ARMH3: variants seen among roughly 807,000 people sequenced by gnomAD.
ARMH3 encodes the protein armadillo-like helical domain-containing protein 3.
In ARMH3, 60 loss-of-function variants were observed where a neutral mutation model predicts 99.1. The ratio of observed to expected loss-of-function variants is 0.61; its 90% CI spans 0.49 to 0.75. The LOEUF (loss-of-function observed/expected upper bound fraction) is 0.75, where lower values mean the gene tolerates loss of function less well. Among genes scored for constraint, ARMH3 ranks in the 30% least tolerant of loss-of-function variants. The probability of loss-of-function intolerance (pLI) is 0.00; values close to 1 mark genes in which losing one functional copy is unlikely to be tolerated. For synonymous variants in ARMH3, 285 were observed against 292.8 expected, an observed-to-expected ratio of 0.97 and a Z score of 0.27; for missense variants, 679 against 843.1, an observed-to-expected ratio of 0.81 and a Z score of 2.41.
chr10:101,887,293 G>A (rs998518612), intron 24 of ARMH3, among the ~76,000 whole-genome samples: 9 of 152,118 alleles, frequency 5.9e-5, no homozygotes, highest in Admixed American at 5.9e-4. Context: ...AAGAGGTAAT[G>A]AGTACACAAA....
At chr10:102,036,304 G>A (rs1395052136) in intron 2 of ARMH3, among the ~76,000 whole-genome samples, 1 of 150,880 alleles carries the variant, frequency 6.6e-6, no homozygotes, top group Admixed American at 6.6e-5. Flanking sequence ...GGTGGGGGGC[G>A]CCTCTGCCCG....
intron 2 of ARMH3, among the ~76,000 whole-genome samples, chr10:102,034,367 T>G (rs900623072): frequency 6.6e-6 from 1 of 152,156 alleles, no homozygotes; most frequent in Non-Finnish European, 1.5e-5. Context: ...CCAGGCACGG[T>G]GGCCCATGCC....
At chr10:101,980,832 G>A (rs1434712090) in intron 19 of ARMH3, among the ~76,000 whole-genome samples, 2 of 152,122 alleles carry the variant, frequency 1.3e-5, no homozygotes, top group East Asian at 1.9e-4. Flanking sequence ...ATGATAGACT[G>A]GATCAAGAAA....
intron 24 of ARMH3, among the ~76,000 whole-genome samples, chr10:101,877,340 G>A (rs1171495879): frequency 6.6e-6 from 1 of 152,048 alleles, no homozygotes; most frequent in African/African-American, 2.4e-5. Context: ...TCCAACCTGG[G>A]ATATAGAGTG....
At chr10:101,954,677 G>A (rs1015227229) in intron 22 of ARMH3, among the ~76,000 whole-genome samples, 11 of 151,920 alleles carry the variant, frequency 7.2e-5, no homozygotes, top group South Asian at 4.2e-4. Context: ...TGTAAATTAC[G>A]GCAAAATTTT....
At chr10:102,044,374 C>CT (rs751800293) in intron 1 of ARMH3, among the ~76,000 whole-genome samples, 1,653 of 138,124 alleles carry the variant, frequency 0.012, 30 homozygotes, top group African/African-American at 0.034. Flanking sequence ...CATGCCCGGC[C>CT]TTTTTTTTTT....
At chr10:102,018,183 C>T (rs1054321809) in intron 8 of ARMH3, among the ~76,000 whole-genome samples, 15 of 152,134 alleles carry the variant, frequency 9.9e-5, no homozygotes, top group African/African-American at 3.4e-4. Flanking sequence ...ATGAAGCCCC[C>T]GGTCTTCCTT....
At chr10:101,995,461 T>A (rs1276945296) in intron 15 of ARMH3, 106 bp from the exon 16 acceptor site, 2 of 929,174 alleles carry the variant, frequency 2.2e-6, no homozygotes, top group African/African-American at 3.4e-5. Context: ...TCACACTTTC[T>A]CTTCCCACAA....
chr10:102,025,107 G>A, intron 6 of ARMH3, 49 bp downstream of exon 6: 1 of 1,460,206 alleles, frequency 6.8e-7, no homozygotes, highest in South Asian at 1.1e-5. Context: ...ATTCAAACAG[G>A]ATTGCCCCTC....
chr10:101,847,688 A>T, intron 25 of ARMH3, 68 bp from the exon 26 acceptor site: 6 of 1,442,972 alleles, frequency 4.2e-6, no homozygotes, highest in Non-Finnish European at 5.9e-6. Context: ...AGTCAGTTCT[A>T]AACGGCAGAG....
chr10:101,911,592 A>G (rs1227204324), intron 23 of ARMH3, among the ~76,000 whole-genome samples: 1 of 152,186 alleles, frequency 6.6e-6, no homozygotes, highest in Non-Finnish European at 1.5e-5. Flanking sequence ...GTAGCTGGGC[A>G]TGGTGGTATG....
At chr10:101,953,753 A>G (rs1165367965) in intron 22 of ARMH3, among the ~76,000 whole-genome samples, 1 of 152,128 alleles carries the variant, frequency 6.6e-6, no homozygotes, top group Non-Finnish European at 1.5e-5. Context: ...ATATGGAATG[A>G]CGACAACTTT....
At chr10:101,899,252 T>C (rs1251078823) in intron 23 of ARMH3, among the ~76,000 whole-genome samples, 1 of 152,186 alleles carries the variant, frequency 6.6e-6, no homozygotes, top group Admixed American at 6.5e-5. Flanking sequence ...TCCAGTGATA[T>C]ACTACTATGC....
chr10:101,954,034 A>G (rs1844916769), intron 22 of ARMH3, among the ~76,000 whole-genome samples: 1 of 152,154 alleles, frequency 6.6e-6, no homozygotes, highest in South Asian at 2.1e-4. Flanking sequence ...TCTACTAAAA[A>G]TACAAAAATG....
rs975575453 is a variant in ARMH3, at chr10:101,985,084, C to T, written c.1406+5467G>A. On this transcript the variant is annotated intron_variant, in intron 19 of 25. Transcript: ENST00000370033. ...CTCCATCTAAAAATATATATACACA[C>T]ACACACACACACACACACACACACA... Among the ~76,000 whole-genome samples the T allele has an allele frequency of 2.5e-3, 316 of 126,790 alleles. 2 individuals are homozygous for T. Among genetic ancestry groups the T allele is most frequent in the Admixed American group, 0.017 (222 of 12,804 alleles). 83.2% of individuals were successfully genotyped at this position (126,790 alleles called of 152,430 possible).
At position 101,847,538 on chromosome 10, in the gene ARMH3, G is replaced by C. The variant is rs775234351; in HGVS notation, c.2060C>G (p.Thr687Ser). The change falls in exon 26 of 26, where the codon ACT becomes AGT. Residue 687 changes from threonine (T) to serine (S), a missense_variant. Thr to Ser is a moderately conservative substitution (Grantham distance 58). Transcript: ENST00000370033. Reference protein sequence around the residue: ...SQEVLLKEFSTIS With the variant: ...SQEVLLKEFSSIS Reference sequence around the variant, plus strand: ...CAGGTAGGCGTGGCCTCAGGAGATAGTGGAGAACTCCTTGAGCAGGACTTC... The same window carrying C: ...CAGGTAGGCGTGGCCTCAGGAGATACTGGAGAACTCCTTGAGCAGGACTTC... The C allele has an allele frequency of 1.2e-6, 2 of 1,614,156 alleles. No individual in the cohort carries two copies. Among genetic ancestry groups the C allele is most frequent in the Non-Finnish European group, 8.5e-7 (1 of 1,179,970 alleles).
At chr10:101,939,988 C>A in intron 22 of ARMH3, 50 bp from the exon 23 acceptor site, 5 of 1,492,974 alleles carry the variant, frequency 3.3e-6, no homozygotes, top group Non-Finnish European at 4.7e-6. Context: ...GCATAAAACA[C>A]AAACATGAGG....
chr10:101,966,313 T>G (rs1435993132), intron 20 of ARMH3, among the ~76,000 whole-genome samples: 1 of 136,544 alleles, frequency 7.3e-6, no homozygotes, highest in African/African-American at 2.7e-5. Context: ...TTTTTTTTTT[T>G]TGAGACAGGC....
chr10:101,956,630 T>C lies in ARMH3; in HGVS notation c.1672A>G (p.Met558Val). Residue 558 changes from methionine (M) to valine (V), a missense_variant, in exon 22 of 26, where the codon ATG becomes GTG. Transcript: ENST00000370033. ...TAGAGGTTGTCAAAGCTCTGGTGCA[T>C]GCGGATAATCTCATAGTAAAGTTCA... ...YDELYYEIIR[M>V]HQSFDNLYSM... The C allele has an allele frequency of 6.2e-7, 1 of 1,613,688 alleles. No individual in the cohort carries two copies.
Sources: allele counts gnomAD v4.1 joint callset (sites outside exome capture counted in the v4.1 genomes callset), GRCh38; gene constraint gnomAD v4.1.1; transcripts MANE v1.5; gene names NCBI Gene and HGNC (gene_info 2026-07-23, HGNC 2026-07-21).